Variants in RBFOX1 observed in about 807,000 individuals in gnomAD.
RBFOX1 encodes the protein RNA binding protein fox-1 homolog 1.
In RBFOX1, 8 loss-of-function variants were observed where a neutral mutation model predicts 57.7. The ratio of observed to expected loss-of-function variants is 0.14; its 90% CI spans 0.08 to 0.25. RBFOX1 has a LOEUF of 0.25. Among genes scored for constraint, RBFOX1 ranks in the 10% least tolerant of loss-of-function variants. The pLI, the probability that RBFOX1 is intolerant of heterozygous loss-of-function variation, is 1.00. For synonymous variants in RBFOX1, 326 were observed against 222.4 expected, an observed-to-expected ratio of 1.47 and a Z score of -4.15; for missense variants, 611 against 548.5, an observed-to-expected ratio of 1.11 and a Z score of -1.14.
chr16:6,483,772 A>C (rs1597916413), intron 2 of RBFOX1: 1 of 1,413,360 alleles, frequency 7.1e-7, no homozygotes, highest in Non-Finnish European at 9.2e-7. Flanking sequence ...GCCGCTGTCC[A>C]ACGTTAGCGC....
At chr16:5,901,671 C>A (rs2058308441) in intron 4 of RBFOX1, among the ~76,000 whole-genome samples, 2 of 152,190 alleles carry the variant, frequency 1.3e-5, no homozygotes, top group African/African-American at 4.8e-5. Flanking sequence ...AAATTTCCAT[C>A]ACTACAAAAA....
intron 4 of RBFOX1, among the ~76,000 whole-genome samples, chr16:7,053,331 G>A (rs1431822483): frequency 6.6e-6 from 1 of 152,162 alleles, no homozygotes; most frequent in African/African-American, 2.4e-5. Flanking sequence ...GACATTCGTT[G>A]TGACCCTTTC....
chr16:6,740,148 T>C (rs2071618530), intron 3 of RBFOX1, among the ~76,000 whole-genome samples: 1 of 152,172 alleles, frequency 6.6e-6, no homozygotes, highest in African/African-American at 2.4e-5. Flanking sequence ...ACTATACCGA[T>C]AGGTTCAAGA....
intron 4 of RBFOX1, among the ~76,000 whole-genome samples, chr16:7,449,727 TG>T (rs2098836444): frequency 1.5e-5 from 1 of 65,038 alleles, no homozygotes; most frequent in African/African-American, 6.0e-5. Context: ...TGTGTGTGTG[TG>T]TGGGGGGGGG....
At chr16:5,670,701 C>T (rs1489181131) in intron 3 of RBFOX1, among the ~76,000 whole-genome samples, 2 of 152,222 alleles carry the variant, frequency 1.3e-5, no homozygotes, top group Admixed American at 6.5e-5. Flanking sequence ...ATCCTTCTTA[C>T]TAGTTCAACT....
chr16:5,482,391 C>T (rs1029841458), intron 2 of RBFOX1, among the ~76,000 whole-genome samples: 4 of 152,174 alleles, frequency 2.6e-5, no homozygotes, highest in Non-Finnish European at 5.9e-5. Flanking sequence ...TTGGCTATTT[C>T]TCCTGCTTCC....
intron 4 of RBFOX1, among the ~76,000 whole-genome samples, chr16:7,239,696 G>A (rs990784568): frequency 1.3e-5 from 2 of 151,970 alleles, no homozygotes; most frequent in African/African-American, 2.4e-5. Context: ...TACTCTTCTG[G>A]GTCTTTGATC....
intron 4 of RBFOX1, among the ~76,000 whole-genome samples, chr16:7,228,137 A>G (rs1199565633): frequency 6.6e-6 from 1 of 152,190 alleles, no homozygotes; most frequent in Non-Finnish European, 1.5e-5. Context: ...AGATGAGAGT[A>G]TCAGACTGTA....
intron 1 of RBFOX1, among the ~76,000 whole-genome samples, chr16:5,380,956 T>C (rs954837278): frequency 2.0e-5 from 3 of 152,246 alleles, no homozygotes; most frequent in African/African-American, 7.2e-5. Context: ...GCACTGCCCA[T>C]CACTTGAGGT....
In RBFOX1 at chr16:7,711,777, G is replaced by A. The variant is rs1358808059; in HGVS notation, c.*1032G>A. On this transcript the variant is annotated 3_prime_UTR_variant, in exon 16 of 16. Transcript: ENST00000550418. ...TAGAGACAGACGTATAATTTTTATG[G>A]AATTACATGATAATCATATTCGGAT... 2 of 152,528 alleles carry A rather than the reference G, an allele frequency of 1.3e-5. No individual in the cohort carries two copies. Among genetic ancestry groups the A allele is most frequent in the Non-Finnish European group, 2.9e-5 (2 of 68,032 alleles). The allele number at this position is 152,528 out of a possible 1,614,324, so 9.4% of individuals were successfully genotyped here.
intron 2 of RBFOX1, among the ~76,000 whole-genome samples, chr16:6,653,732 G>C (rs1179532052): frequency 6.6e-6 from 1 of 151,770 alleles, no homozygotes; most frequent in African/African-American, 2.4e-5. Context: ...GATAGAGGAT[G>C]GATAGATGGA....
At chr16:6,482,963 G>A (rs2095395835) in intron 2 of RBFOX1, among the ~76,000 whole-genome samples, 1 of 152,182 alleles carries the variant, frequency 6.6e-6, no homozygotes, top group African/African-American at 2.4e-5. Context: ...CGTGCAAGGT[G>A]CCCTATTCTG....
At chr16:6,615,460 C>G (rs1036606906) in intron 2 of RBFOX1, among the ~76,000 whole-genome samples, 2 of 151,920 alleles carry the variant, frequency 1.3e-5, no homozygotes, top group African/African-American at 2.4e-5. Context: ...ATCCCAACTA[C>G]TTGGGAGGCT....
chr16:5,498,458 C>T (rs1337345199), intron 2 of RBFOX1, among the ~76,000 whole-genome samples: 1 of 152,100 alleles, frequency 6.6e-6, no homozygotes, highest in African/African-American at 2.4e-5. Context: ...TTCTAATTGG[C>T]AGCAGTAGTG....
At chr16:5,604,171 C>T (rs1156525365), downstream of RBFOX1, among the ~76,000 whole-genome samples, 1 of 152,178 alleles carries the variant, frequency 6.6e-6, no homozygotes, top group African/African-American at 2.4e-5. Flanking sequence ...TTCAAAACCC[C>T]TGTATTTTTC....
intron 2 of RBFOX1, among the ~76,000 whole-genome samples, chr16:6,544,629 G>T (rs1567625697): frequency 6.6e-6 from 1 of 152,158 alleles, no homozygotes; most frequent in Non-Finnish European, 1.5e-5. Context: ...ATAAGAGACT[G>T]GATGGATTTG....
At chr16:5,424,565 G>A (rs2067455593) in intron 1 of RBFOX1, among the ~76,000 whole-genome samples, 1 of 150,432 alleles carries the variant, frequency 6.6e-6, no homozygotes, top group Non-Finnish European at 1.5e-5. Flanking sequence ...TATAGCTAAC[G>A]CATGCAGGGC....
At chr16:5,819,386 A>C (rs4786780) in intron 3 of RBFOX1, among the ~76,000 whole-genome samples, 61,154 of 152,022 alleles carry the variant, frequency 0.4, 13,234 homozygotes, top group East Asian at 0.63. Context: ...AGACCACAGC[A>C]CCTGGGAGGT....
At chr16:6,378,221 G>C (rs1388787159) in intron 2 of RBFOX1, among the ~76,000 whole-genome samples, 1 of 152,210 alleles carries the variant, frequency 6.6e-6, no homozygotes, top group Non-Finnish European at 1.5e-5. Flanking sequence ...TGCAGCCTTT[G>C]AGCTCCATCT....
Sources: gnomAD v4.1 joint callset for allele counts (sites outside exome capture counted in the v4.1 genomes callset) on GRCh38, gnomAD v4.1.1 for gene constraint, MANE v1.5 for transcripts, NCBI Gene and HGNC (gene_info 2026-07-23, HGNC 2026-07-21) for gene names.